The following CCDC186 variants were observed in gnomAD, a reference collection of about 807,000 sequenced individuals.
CCDC186 encodes coiled-coil domain containing 186, also known as coiled-coil domain-containing protein 186.
Under a neutral mutation model 113.7 loss-of-function variants are expected in CCDC186, and 49 were observed. The ratio of observed to expected loss-of-function variants is 0.43; its 90% CI spans 0.34 to 0.55. The LOEUF is 0.55. Among genes scored for constraint, CCDC186 ranks in the 20% least tolerant of loss-of-function variants. The pLI, the probability that CCDC186 is intolerant of heterozygous loss-of-function variation, is 0.02. For synonymous variants in CCDC186, 355 were observed against 345.8 expected, an observed-to-expected ratio of 1.03 and a Z score of -0.30; for missense variants, 890 against 1,011.1, an observed-to-expected ratio of 0.88 and a Z score of 1.62.
chr10:114,164,115 T>TATATA (rs1491103930), intron 1 of CCDC186, among the ~76,000 whole-genome samples: 3 of 94,304 alleles, frequency 3.2e-5, no homozygotes, highest in East Asian at 5.2e-4. Context: ...TATATATATA[T>TATATA]TTTTTTTTTT....
intron 6 of CCDC186, among the ~76,000 whole-genome samples, chr10:114,140,238 G>T (rs1589614843): frequency 1.3e-5 from 2 of 152,218 alleles, no homozygotes; most frequent in African/African-American, 2.4e-5. Context: ...TTGGAGAGAT[G>T]AAAGTTTAGA....
At chr10:114,138,561 G>A (rs1589613799) in intron 6 of CCDC186, among the ~76,000 whole-genome samples, 3 of 151,916 alleles carry the variant, frequency 2.0e-5, no homozygotes, top group African/African-American at 7.3e-5. Context: ...TCTTTTTATA[G>A]ACTGATGCTG....
rs1252548886 is a variant in CCDC186, at chr10:114,148,739, A to G, written c.888+2353T>C. ...CTTTACTGCTCTGTGATACTTATTA[A>G]TATCAGGCCATGGGAGATGTGGGTG... is the stretch of plus-strand genomic sequence containing the variant. On this transcript the variant is annotated intron_variant, in intron 4 of 15. Transcript: ENST00000369287. Among the ~76,000 whole-genome samples the G allele has an allele frequency of 5.3e-5, 8 of 152,368 alleles. No individual in the cohort carries two copies. The East Asian group carries it at 1.5e-3, about 29-fold the overall frequency.
intron 1 of CCDC186, among the ~76,000 whole-genome samples, chr10:114,168,961 A>C (rs1351278068): frequency 6.6e-6 from 1 of 151,660 alleles, no homozygotes; most frequent in Non-Finnish European, 1.5e-5. Flanking sequence ...TACCAAATAC[A>C]TATTGAGCAT....
Position 114,121,813 on chromosome 10 carries a change from CT to C in CCDC186, c.*3329del, listed in dbSNP as rs1256119113. The C allele has an allele frequency of 2.6e-4, 39 of 148,910 alleles. No homozygotes were observed. The highest frequency in any genetic ancestry group is 3.3e-4 in the Non-Finnish European group (22 of 67,018). 9.2% of individuals were successfully genotyped at this position (148,910 alleles called of 1,614,324 possible). Reference sequence around the variant, plus strand: ...TTGTCTCCTAGCTATTTTCTTTCCTCTTTTTTTTTTGAGACAGGGTTTCACT... The same window carrying C: ...TTGTCTCCTAGCTATTTTCTTTCCTCTTTTTTTTTGAGACAGGGTTTCACT... On this transcript the variant is annotated 3_prime_UTR_variant, in exon 16 of 16. Transcript: ENST00000369287.
intron 2 of CCDC186, among the ~76,000 whole-genome samples, chr10:114,160,126 C>T (rs1191038444): frequency 6.6e-6 from 1 of 151,772 alleles, no homozygotes; most frequent in African/African-American, 2.4e-5. Context: ...AAAAATTAGC[C>T]GGGTGTAGTG....
Position 114,137,040 on chromosome 10 carries a change from C to T in CCDC186, c.1326+146G>A, listed in dbSNP as rs1264816635. On this transcript the variant is annotated intron_variant, in intron 7 of 15. Transcript: ENST00000369287. ...GCTGGGGCAGGAGAATCGCTTGTAC[C>T]CGGGAGGCAGAGGTTGCAGTGAGCC... 3 of 553,988 alleles carry T rather than the reference C, an allele frequency of 5.4e-6. No individual in the cohort carries two copies. In the East Asian group the frequency reaches 9.8e-5, roughly 18 times the overall value. 34.3% of individuals were successfully genotyped at this position (553,988 alleles called of 1,614,324 possible).
chr10:114,131,921 A>G lies in CCDC186; in HGVS notation c.1911+8T>C. ...GTTGTTTTAAAAAAAATGTAAATTT[A>G]TACTTACCAAATTAATATTTGTCTG... On this transcript the variant is annotated splice_region_variant and intron_variant, in intron 11 of 15. Coordinates refer to ENST00000369287, the MANE Select transcript of CCDC186 (RefSeq NM_018017.4). The G allele has an allele frequency of 6.3e-7, 1 of 1,594,202 alleles. No homozygotes were observed.
intron 1 of CCDC186, chr10:114,165,839 C>T (rs1034747138): frequency 2.2e-5 from 7 of 315,856 alleles, no homozygotes; most frequent in Middle Eastern, 1.3e-3. Flanking sequence ...CAGAGCGAGA[C>T]ACTTTGTCTC....
intron 4 of CCDC186, among the ~76,000 whole-genome samples, chr10:114,149,616 A>G (rs1468315616): frequency 4.5e-4 from 10 of 22,298 alleles, no homozygotes; most frequent in South Asian, 2.7e-3. Flanking sequence ...AGGGAAGGGA[A>G]GGGAAGGAAA....
At chr10:114,164,107 T>C (rs1452234050) in intron 1 of CCDC186, among the ~76,000 whole-genome samples, 1 of 129,658 alleles carries the variant, frequency 7.7e-6, no homozygotes, top group East Asian at 2.0e-4. Flanking sequence ...TGTGTGTATA[T>C]ATATATATTT....
Position 114,131,296 on chromosome 10 carries a change from TC to T in CCDC186, c.1951del (p.Glu651LysfsTer19). ...LLKEEELRKEEVQTLQAELAC... is the reference protein window; with the variant it reads ...LLKEEELRKEXVQTLQAELAC... ...GAGTTCAGCTTGCAGAGTTTGGACT[TC>T]CTCTTTTCGCAGTTCTTCCTCTTTC... On this transcript the variant is annotated frameshift_variant, in exon 12 of 16. Coordinates refer to ENST00000369287, the MANE Select transcript of CCDC186 (RefSeq NM_018017.4). LOFTEE classifies it high-confidence loss of function. 1 of 1,595,958 alleles carries T rather than the reference TC, an allele frequency of 6.3e-7. No homozygotes were observed. Among genetic ancestry groups the T allele is most frequent in the South Asian group, 1.1e-5 (1 of 87,528 alleles).
At chr10:114,140,427 T>C (rs938021537) in intron 6 of CCDC186, among the ~76,000 whole-genome samples, 3 of 152,210 alleles carry the variant, frequency 2.0e-5, no homozygotes, top group Admixed American at 2.0e-4. Context: ...TTTATTGACA[T>C]AGGAAAGCAA....
intron 4 of CCDC186, 56 bp downstream of exon 4, chr10:114,151,036 A>T: frequency 1.9e-6 from 3 of 1,588,022 alleles, no homozygotes; most frequent in Non-Finnish European, 2.6e-6. Flanking sequence ...AGCTTATTTT[A>T]ACAAACAAGA....
chr10:114,162,937 GTTTCA>G lies in CCDC186; in HGVS notation c.327_331del (p.Glu110ArgfsTer21). 6.2e-7 allele frequency: 1 copy of G among 1,613,130 alleles called. No individual in the cohort carries two copies. The highest frequency in any genetic ancestry group is 8.5e-7 in the Non-Finnish European group (1 of 1,179,728). ...CAATATTTGTGTTACTTTCTGTTCT[GTTTCA>G]TTTGTTTTTGAAATATGTTTAGCAA... On this transcript the variant is annotated frameshift_variant, in exon 2 of 16. Transcript: ENST00000369287. LOFTEE classifies it high-confidence loss of function.
In CCDC186 at chr10:114,125,976, G is replaced by A. The variant is rs1279489936; in HGVS notation, c.2523C>T (p.Asp841=). 6.8e-6 allele frequency: 11 copies of A among 1,613,986 alleles called. No homozygotes were observed. Among genetic ancestry groups the A allele is most frequent in the Middle Eastern group, 1.7e-4 (1 of 6,060 alleles). ...AAGAGAGCTCCAATGTTAATCCATTGTCAGCTGGATGGGATGTATATAAAG... is the reference window on the plus strand; with the variant it reads ...AAGAGAGCTCCAATGTTAATCCATTATCAGCTGGATGGGATGTATATAAAG... ...MASLYTSHPA[D]NGLTLELSLE... Residue 841 remains aspartate, a synonymous_variant, in exon 15 of 16, where the codon GAC becomes GAT. Coordinates refer to ENST00000369287, the MANE Select transcript of CCDC186 (RefSeq NM_018017.4).
At chr10:114,162,061 T>C (rs919239691) in intron 2 of CCDC186, 6 of 152,346 alleles carry the variant, frequency 3.9e-5, no homozygotes, top group South Asian at 2.1e-4. Context: ...ATACAGTGTT[T>C]CAGATTTGCA....
rs1244838355 is a variant in CCDC186 at position 114,161,414 on chromosome 10, T to G, written c.632+1223A>C. On this transcript the variant is annotated intron_variant, in intron 2 of 15. Transcript: ENST00000369287. ...TAATTATCAGCATATACATGTTTAC[T>G]GCTATTATTATTAAATGTATAACAT... is the stretch of plus-strand genomic sequence containing the variant. Among the ~76,000 whole-genome samples the G allele has an allele frequency of 2.0e-5, 3 of 152,148 alleles. No homozygotes were observed. The East Asian group carries it at 5.8e-4, about 29-fold the overall frequency.
chr10:114,121,891 A>G lies in CCDC186; in HGVS notation c.*3252T>C, dbSNP rs2030735415. The G allele has an allele frequency of 6.6e-6, 1 of 152,114 alleles. No homozygotes were observed. Among genetic ancestry groups the G allele is most frequent in the Non-Finnish European group, 1.5e-5 (1 of 68,064 alleles). 9.4% of individuals were successfully genotyped at this position (152,114 alleles called of 1,614,324 possible). A position where few individuals can be genotyped will look rare whatever the true frequency, so the allele number is the denominator to read the frequency against. ...ACAGTGGCAATCATAGCTCACTGCA[A>G]GCTTCAACCTCCCAGGCTCAGATGA... On this transcript the variant is annotated 3_prime_UTR_variant, in exon 16 of 16. Coordinates refer to ENST00000369287, the MANE Select transcript of CCDC186 (RefSeq NM_018017.4).
Sources: allele counts gnomAD v4.1 joint callset (sites outside exome capture counted in the v4.1 genomes callset), GRCh38; gene constraint gnomAD v4.1.1; transcripts MANE v1.5; gene names NCBI Gene and HGNC (gene_info 2026-07-23, HGNC 2026-07-21).